PARP10: variants seen among roughly 807,000 people sequenced by gnomAD.
The protein encoded by PARP10 is poly(ADP-ribose) polymerase family member 10.
PARP10 carries 56 observed loss-of-function variants against 82.4 expected under a neutral mutation model. The ratio of observed to expected loss-of-function variants is 0.68; its 90% confidence interval spans 0.55 to 0.85. PARP10 has a LOEUF of 0.85. Among genes scored for constraint, PARP10 ranks in the 40% least tolerant of loss-of-function variants. PARP10 has a pLI of 0.00. For missense variants in PARP10, 1,227 were observed against 1,379.4 expected (o/e 0.89, Z 1.75); for synonymous variants, 576 against 601.1 (o/e 0.96, Z 0.61).
At chr8:143,995,611 A>G (rs1834159139), upstream of PARP10, among the ~76,000 whole-genome samples, 1 of 152,134 alleles carries the variant, frequency 6.6e-6, no homozygotes, top group African/African-American at 2.4e-5. Context: ...AGTCGCTGAC[A>G]TCTGGGAGCT....
chr8:143,991,027 C>T (rs1253570333), upstream of PARP10: 4 of 448,788 alleles, frequency 8.9e-6, no homozygotes, highest in Non-Finnish European at 1.6e-5. Flanking sequence ...CCCGTCCGGT[C>T]CTCACGCGCT....
At position 143,996,833 on chromosome 8, in the gene PARP10, A is replaced by C. The variant is rs1002745743; in HGVS notation, c.-79-10395T>G. Among the ~76,000 whole-genome samples the C allele has an allele frequency of 4.6e-5, 7 of 152,212 alleles. 1 individual carries two copies. Among genetic ancestry groups the C allele is most frequent in the Admixed American group, 4.6e-4 (7 of 15,274 alleles). On this transcript the variant is annotated intron_variant, in intron 1 of 3. Transcript: ENST00000530478. ...ATGGGAGACTCGCAGCGGGCTGAGG[A>C]GGCCAGTCGAGGCCATAAGTAAAAA... is the stretch of plus-strand genomic sequence containing the variant.
At chr8:144,003,887 TAGTC>T (rs1311037840) in intron 1 of PARP10, among the ~76,000 whole-genome samples, 2 of 152,004 alleles carry the variant, frequency 1.3e-5, no homozygotes, top group African/African-American at 4.8e-5. Context: ...TTTTTTTAAT[TAGTC>T]AGGTGTGGTG....
chr8:143,985,565 C>A lies in PARP10; in HGVS notation c.520G>T (p.Ala174Ser). ...GCACCATCCCCCACCACACGCACCG[C>A]TCGGGCCTGGGGAACCCGGGCCAGG... ...VSLARVPQAR[A>S]VRVVGDGASV... The change falls in exon 4 of 11, where the codon GCG (alanine) becomes TCG (serine). Residue 174 changes from alanine (A) to serine (S), a missense_variant. By Grantham distance (99) the Ala-to-Ser change is moderately conservative. Coordinates refer to ENST00000313028, the MANE Select transcript of PARP10 (RefSeq NM_032789.5). The A allele has an allele frequency of 6.2e-7, 1 of 1,614,036 alleles. No homozygotes were observed. The highest frequency in any genetic ancestry group is 1.1e-5 in the South Asian group (1 of 91,082).
At chr8:143,992,186 G>A, upstream of PARP10, 2 of 1,600,766 alleles carry the variant, frequency 1.2e-6, no homozygotes, top group Non-Finnish European at 8.5e-7. Context: ...TGAGGCAGGG[G>A]CCGGCAGGGG....
chr8:143,977,278 T>G lies in PARP10; in HGVS notation c.*206A>C. 1 of 581,358 alleles carries G rather than the reference T, an allele frequency of 1.7e-6. No individual in the cohort carries two copies. Among genetic ancestry groups the G allele is most frequent in the Middle Eastern group, 4.5e-4 (1 of 2,216 alleles). The allele number at this position is 581,358 out of a possible 1,614,324, so 36.0% of individuals were successfully genotyped here. ...CCTCCTGGGCTCTGCTGACCCCTGG[T>G]GGTGGGGTCGGCCCAGGCTGGGACC... On this transcript the variant is annotated 3_prime_UTR_variant, in exon 11 of 11. Transcript: ENST00000313028.
chr8:143,982,726 G>C (rs1340774082), intron 9 of PARP10, among the ~76,000 whole-genome samples: 2 of 152,190 alleles, frequency 1.3e-5, no homozygotes, highest in Non-Finnish European at 2.9e-5. Flanking sequence ...AGGCCTATCA[G>C]ATCCCAAGGC....
chr8:143,983,751 A>C lies in PARP10; in HGVS notation c.1838T>G (p.Leu613Arg), dbSNP rs370108213. The change falls in exon 8 of 11, where the codon CTG becomes CGG. Residue 613 changes from leucine (L) to arginine (R), a missense_variant. Physicochemically the swap from Leu to Arg is moderately radical, Grantham distance 102. Coordinates refer to ENST00000313028, the MANE Select transcript of PARP10 (RefSeq NM_032789.5). ...CCCTTCCTCCTCCAGCTCCCGAGGC[A>C]GCCAGTCCTCCCCGTCTAGGTCTAG... ...EGLDLDGEDW[L>R]PRELEEEGPQ... 1.6e-5 allele frequency: 25 copies of C among 1,612,544 alleles called. No individual in the cohort carries two copies. Among genetic ancestry groups the C allele is most frequent in the Non-Finnish European group, 2.1e-5 (25 of 1,179,372 alleles).
intron 1 of PARP10, among the ~76,000 whole-genome samples, chr8:144,006,088 A>G (rs1834234954): frequency 1.3e-5 from 2 of 152,168 alleles, no homozygotes; most frequent in Admixed American, 6.5e-5. Flanking sequence ...CCCCTGATCA[A>G]CTTCCAGCCT....
chr8:143,979,999 G>A (rs1332956752), intron 9 of PARP10, among the ~76,000 whole-genome samples: 9 of 126,612 alleles, frequency 7.1e-5, no homozygotes, highest in Non-Finnish European at 1.1e-4. Flanking sequence ...GTGACAGAGC[G>A]AGACTCCGTC....
At position 143,986,349 on chromosome 8, in the gene PARP10, A is replaced by G. The variant is rs782065695; in HGVS notation, c.2+9T>C. On this transcript the variant is annotated intron_variant, in intron 1 of 10. Transcript: ENST00000313028. ...CCCCATTATGGGTGGCCCCACATAC[A>G]GCACTTACATTCCCCGTGGCCGCTA... The G allele has an allele frequency of 2.4e-5, 39 of 1,613,972 alleles. No individual in the cohort carries two copies. The Admixed American group carries it at 6.3e-4, about 26-fold the overall frequency.
chr8:144,002,849 G>A (rs1462650103), intron 1 of PARP10, among the ~76,000 whole-genome samples: 1 of 152,154 alleles, frequency 6.6e-6, no homozygotes, highest in Non-Finnish European at 1.5e-5. Flanking sequence ...GCCCAAGGTA[G>A]GAGGATCACT....
At position 143,977,455 on chromosome 8, in the gene PARP10, A is replaced by T; in HGVS notation, c.*29T>A. On this transcript the variant is annotated 3_prime_UTR_variant, in exon 11 of 11. Transcript: ENST00000313028. ...CCTGTGCGGAGCTGGGAGCCTGGGA[A>T]GCAGGAGGCCAGAGGGTGGCCCCTT... 1.3e-6 allele frequency: 2 copies of T among 1,498,976 alleles called. No individual in the cohort carries two copies. The highest frequency in any genetic ancestry group is 2.6e-5 in the South Asian group (2 of 78,336). The allele number at this position is 1,498,976 out of a possible 1,614,324, so 92.9% of individuals were successfully genotyped here. A position where few individuals can be genotyped will look rare whatever the true frequency, so the allele number is the denominator to read the frequency against.
upstream of PARP10, chr8:143,991,623 G>A (rs1834098838): frequency 6.2e-7 from 1 of 1,601,926 alleles, no homozygotes; most frequent in Non-Finnish European, 8.5e-7. Flanking sequence ...GGAAGGGAGG[G>A]GTGGGGTGGC....
At chr8:143,992,375 T>G, upstream of PARP10, 1 of 1,606,060 alleles carries the variant, frequency 6.2e-7, no homozygotes. Context: ...TCCATGCAGG[T>G]GAGGGGCCTC....
chr8:143,986,539 C>T (rs544020311), upstream of PARP10: 1 of 883,456 alleles, frequency 1.1e-6, no homozygotes, highest in East Asian at 2.6e-5. Flanking sequence ...CAGATGCTTC[C>T]TCTCCTGCTG....
rs529656091 is a variant in PARP10 at position 144,010,716 on chromosome 8, A to C, written c.-80+1814T>G. Among the ~76,000 whole-genome samples the C allele has an allele frequency of 2.5e-3, 385 of 152,060 alleles. 2 individuals carry two copies. The highest frequency in any genetic ancestry group is 0.01 in the Middle Eastern group (3 of 294). ...GTGGTAAGACCCCATGTCTACAAAA[A>C]AAAATGTTTTTAATAAAAATTAGCC... On this transcript the variant is annotated intron_variant, in intron 1 of 3. Coordinates refer to the PARP10 transcript ENST00000530478.
At chr8:143,990,073 C>T (rs1834064671), upstream of PARP10, 1 of 150,658 alleles carries the variant, frequency 6.6e-6, no homozygotes, top group South Asian at 2.1e-4. This position sits in a 1 kb window ranked among gnomAD's most constrained non-coding sequence, Gnocchi z 5.6. Context: ...CCCGCTGCGT[C>T]TTCCGAGCCG....
At chr8:143,992,208 C>T (rs1554750650), upstream of PARP10, 1 of 1,601,912 alleles carries the variant, frequency 6.2e-7, no homozygotes, top group South Asian at 1.1e-5. Context: ...GGCATGGGGG[C>T]ACACACCCAA....
Sources: allele counts gnomAD v4.1 joint callset (sites outside exome capture counted in the v4.1 genomes callset), GRCh38; gene constraint gnomAD v4.1.1; non-coding constraint Gnocchi (gnomAD v3.1); transcripts MANE v1.5; gene names NCBI Gene and HGNC (gene_info 2026-07-23, HGNC 2026-07-21).